Variants in TBX20 observed in about 807,000 individuals in gnomAD.
The protein encoded by TBX20 is T-box transcription factor 20, also known as T-box transcription factor TBX20.
A neutral mutation model predicts 42.9 loss-of-function variants in TBX20; 8 were observed. The ratio of observed to expected loss-of-function variants is 0.19; its 90% confidence interval spans 0.11 to 0.34. The LOEUF (loss-of-function observed/expected upper bound fraction) is 0.34. TBX20 is among the 10% of genes least tolerant of loss of function. The pLI is 1.00. For synonymous variants in TBX20, 198 were observed against 222.8 expected (o/e 0.89, Z 0.99); for missense variants, 411 against 566.0 (o/e 0.73, Z 2.78).
At chr7:35,244,397 A>T (rs1443114897) in intron 4 of TBX20, among the ~76,000 whole-genome samples, 1 of 148,592 alleles carries the variant, frequency 6.7e-6, no homozygotes, top group Non-Finnish European at 1.5e-5. Flanking sequence ...GGGCTTCTTT[A>T]TGCTTTAATA....
intron 6 of TBX20, among the ~76,000 whole-genome samples, chr7:35,215,393 T>A (rs978041080): frequency 2.0e-5 from 3 of 152,144 alleles, no homozygotes; most frequent in Admixed American, 2.0e-4. Context: ...TAATCCCTGT[T>A]TCCAGCAGAA....
At chr7:35,246,183 CCACCAGGAGCAATG>C (rs1164875275) in intron 3 of TBX20, among the ~76,000 whole-genome samples, 3 of 152,090 alleles carry the variant, frequency 2.0e-5, no homozygotes, top group Non-Finnish European at 4.4e-5. Context: ...CTTACAAAGC[CCACCAGGAGCAATG>C]CACAAAAAAG....
chr7:35,228,976 C>A (rs1295398027), intron 6 of TBX20, among the ~76,000 whole-genome samples: 1 of 152,080 alleles, frequency 6.6e-6, no homozygotes, highest in Non-Finnish European at 1.5e-5. Context: ...AAAATTAGAG[C>A]AAGAAAACTA....
intron 6 of TBX20, among the ~76,000 whole-genome samples, chr7:35,209,365 T>C (rs1436592422): frequency 6.6e-6 from 1 of 152,112 alleles, no homozygotes; most frequent in Non-Finnish European, 1.5e-5. Context: ...ACTATCAGAG[T>C]ATCTGTTTTC....
chr7:35,234,422 T>C (rs1370373149), intron 5 of TBX20, among the ~76,000 whole-genome samples: 4 of 152,208 alleles, frequency 2.6e-5, no homozygotes, highest in African/African-American at 2.4e-5. Flanking sequence ...TGTTGCTCAA[T>C]TGACGTGTCA....
At chr7:35,252,811 T>A (rs1388253090) in intron 1 of TBX20, among the ~76,000 whole-genome samples, 1 of 152,226 alleles carries the variant, frequency 6.6e-6, no homozygotes, top group African/African-American at 2.4e-5. Context: ...TAATCCCTGT[T>A]CTCCCTTTAC....
At chr7:35,233,125 T>G (rs1037433500) in intron 5 of TBX20, among the ~76,000 whole-genome samples, 2 of 152,216 alleles carry the variant, frequency 1.3e-5, no homozygotes, top group African/African-American at 4.8e-5. Context: ...AGGAATTTCT[T>G]TTTTCATTTC....
At chr7:35,210,193 C>T (rs952696490) in intron 6 of TBX20, among the ~76,000 whole-genome samples, 1 of 150,642 alleles carries the variant, frequency 6.6e-6, no homozygotes, top group Non-Finnish European at 1.5e-5. Context: ...CAGCTCACTG[C>T]AAGCTCTGCC....
At chr7:35,216,576 CTTTA>C (rs1172747405) in intron 6 of TBX20, among the ~76,000 whole-genome samples, 1 of 125,640 alleles carries the variant, frequency 8.0e-6, no homozygotes, top group East Asian at 2.4e-4. Context: ...ATTAAATTAT[CTTTA>C]TTGTTATTAT....
chr7:35,221,654 CCTCT>C (rs1476289662), intron 6 of TBX20, among the ~76,000 whole-genome samples: 1 of 152,138 alleles, frequency 6.6e-6, no homozygotes, highest in Non-Finnish European at 1.5e-5. Context: ...GGCAATGGAG[CCTCT>C]CAGTTATGCA....
In TBX20 at chr7:35,241,988, C is replaced by T. The variant is rs1395647153; in HGVS notation, c.655-951G>A. Among the ~76,000 whole-genome samples the T allele has an allele frequency of 2.0e-5, 3 of 152,134 alleles. No homozygotes were observed. In the East Asian group the frequency reaches 5.8e-4, roughly 29 times the overall value. On this transcript the variant is annotated intron_variant, in intron 4 of 7. Transcript: ENST00000408931. ...GTATGTCTTTCCGGGGATGAGAGGG[C>T]TCACATTGCATGCCCTCCTCTCCAA...
intron 6 of TBX20, among the ~76,000 whole-genome samples, chr7:35,206,032 T>C (rs1789393335): frequency 6.6e-6 from 1 of 152,216 alleles, no homozygotes; most frequent in South Asian, 2.1e-4. Context: ...GATATGTATG[T>C]TCATATATGC....
chr7:35,218,120 T>G (rs1789621409), intron 6 of TBX20, among the ~76,000 whole-genome samples: 2 of 152,210 alleles, frequency 1.3e-5, no homozygotes. Flanking sequence ...TAAAGAAAAT[T>G]ATTTCTTTCC....
chr7:35,205,220 A>C (rs192450606), intron 6 of TBX20, among the ~76,000 whole-genome samples: 29 of 152,324 alleles, frequency 1.9e-4, no homozygotes, highest in Middle Eastern at 6.8e-3. Flanking sequence ...AAGGAGTTTT[A>C]GCCTCTAGGT....
intron 6 of TBX20, among the ~76,000 whole-genome samples, chr7:35,210,138 G>A (rs374428089): frequency 2.5e-4 from 36 of 141,658 alleles, no homozygotes; most frequent in African/African-American, 7.2e-4. Context: ...TTTTTGAGAC[G>A]GAGTCTCACT....
chr7:35,243,379 T>C (rs1790119388), intron 4 of TBX20, among the ~76,000 whole-genome samples: 1 of 152,176 alleles, frequency 6.6e-6, no homozygotes, highest in Non-Finnish European at 1.5e-5. Context: ...GGCTAGACCC[T>C]AGAGCTTCTG....
rs1461012239 is a variant in TBX20 at position 35,253,774 on chromosome 7, A to G, written c.-154T>C. On this transcript the variant is annotated 5_prime_UTR_variant, in exon 1 of 8. Coordinates refer to ENST00000408931, the MANE Select transcript of TBX20 (RefSeq NM_001077653.2). Reference sequence around the variant, plus strand: ...CAGAAGTGTCAGCTCCAACGACTCCAGAGCTGCACACTGGCCTCTATTCCC... The same window carrying G: ...CAGAAGTGTCAGCTCCAACGACTCCGGAGCTGCACACTGGCCTCTATTCCC... 3 of 897,320 alleles carry G rather than the reference A, an allele frequency of 3.3e-6. No homozygotes were observed. In the Admixed American group the frequency reaches 7.7e-5, roughly 23 times the overall value. 55.6% of individuals were successfully genotyped at this position (897,320 alleles called of 1,614,324 possible).
intron 6 of TBX20, 132 bp from the exon 7 acceptor site, chr7:35,204,714 G>A: frequency 1.4e-6 from 1 of 706,040 alleles, no homozygotes; most frequent in Non-Finnish European, 2.5e-6. Flanking sequence ...ACAGAAAGAT[G>A]AAATTCAAAA....
chr7:35,206,861 T>A (rs1233282153), intron 6 of TBX20, among the ~76,000 whole-genome samples: 2 of 152,240 alleles, frequency 1.3e-5, no homozygotes, highest in African/African-American at 4.8e-5. Flanking sequence ...GGGCATACAT[T>A]AATATTTCTT....
Sources: gnomAD v4.1 joint callset for allele counts (sites outside exome capture counted in the v4.1 genomes callset) on GRCh38, gnomAD v4.1.1 for gene constraint, MANE v1.5 for transcripts, NCBI Gene and HGNC (gene_info 2026-07-23, HGNC 2026-07-21) for gene names.